The following ISCA1 variants were observed in gnomAD, a reference collection of about 807,000 sequenced individuals.
ISCA1 encodes the protein iron-sulfur cluster assembly 1 homolog, mitochondrial.
A neutral mutation model predicts 14.7 loss-of-function variants in ISCA1; 9 were observed. That is an observed-to-expected ratio of 0.61 (90% CI 0.37 to 1.07). The LOEUF is 1.07. ISCA1 is among the 50% of genes least tolerant of loss of function. ISCA1 has a pLI of 0.01. For missense variants in ISCA1, 102 were observed against 150.1 expected (o/e 0.68, Z 1.67); for synonymous variants, 38 against 54.3 (o/e 0.70, Z 1.32).
chr9:86,279,130 T>C (rs1180379803), intron 1 of ISCA1, among the ~76,000 whole-genome samples: 78 of 152,344 alleles, frequency 5.1e-4, no homozygotes, highest in Non-Finnish European at 1.5e-5. Flanking sequence ...ACACAGTTCC[T>C]TACTGAGCAT....
intron 1 of ISCA1, among the ~76,000 whole-genome samples, chr9:86,276,142 A>G (rs185636961): frequency 1.3e-5 from 2 of 152,138 alleles, no homozygotes; most frequent in East Asian, 3.9e-4. Context: ...CTGCAACTAG[A>G]TGGCCCCATC....
At chr9:86,267,184 C>CGCT (rs1382569891) in intron 3 of ISCA1, 19 of 291,550 alleles carry the variant, frequency 6.5e-5, no homozygotes, top group Admixed American at 5.8e-4. Context: ...ATGATTGTGC[C>CGCT]ACTGCACTCC....
At position 86,266,098 on chromosome 9, in the gene ISCA1, AACACAAAC is replaced by A; in HGVS notation, c.327_334del (p.Glu109AspfsTer3). On this transcript the variant is annotated frameshift_variant, in exon 4 of 4. Coordinates refer to ENST00000375991, the MANE Select transcript of ISCA1 (RefSeq NM_030940.4). LOFTEE classifies it high-confidence loss of function. ...AGTCCCTTTGATGTTTGGGTTATTG[AACACAAAC>A]TCACTGGATAATTTGTCTTCAACAT... The A allele has an allele frequency of 6.2e-7, 1 of 1,612,904 alleles. No individual in the cohort carries two copies. The highest frequency in any genetic ancestry group is 8.5e-7 in the Non-Finnish European group (1 of 1,179,734).
chr9:86,275,388 G>A (rs1008657778), intron 1 of ISCA1, among the ~76,000 whole-genome samples: 1 of 152,122 alleles, frequency 6.6e-6, no homozygotes, highest in Non-Finnish European at 1.5e-5. Flanking sequence ...TACGACCTAA[G>A]ACTTGGTAGT....
At chr9:86,279,697 T>G (rs995939316) in intron 1 of ISCA1, among the ~76,000 whole-genome samples, 7 of 152,214 alleles carry the variant, frequency 4.6e-5, no homozygotes, top group Non-Finnish European at 1.0e-4. Context: ...CAAGTAACAT[T>G]TACCTCTTCC....
At chr9:86,276,725 G>A (rs1825442002) in intron 1 of ISCA1, among the ~76,000 whole-genome samples, 1 of 151,890 alleles carries the variant, frequency 6.6e-6, no homozygotes, top group Non-Finnish European at 1.5e-5. Flanking sequence ...ACAAACATTA[G>A]CTGAGGATGA....
intron 1 of ISCA1, among the ~76,000 whole-genome samples, chr9:86,279,899 C>T (rs1464603586): frequency 1.3e-5 from 2 of 152,196 alleles, no homozygotes; most frequent in Non-Finnish European, 1.5e-5. Flanking sequence ...GCAAGCCCAC[C>T]AACACAGGCT....
At chr9:86,272,242 C>A in intron 2 of ISCA1, 130 bp from the exon 3 acceptor site, 1 of 668,768 alleles carries the variant, frequency 1.5e-6, no homozygotes. Flanking sequence ...CAGGGTCTCA[C>A]TATGTAGCCC....
chr9:86,278,127 CT>C (rs1052393093), intron 1 of ISCA1, among the ~76,000 whole-genome samples: 2 of 152,178 alleles, frequency 1.3e-5, no homozygotes, highest in African/African-American at 4.8e-5. Flanking sequence ...GTGCCAACAA[CT>C]ACAACTTAAT....
chr9:86,273,445 A>G (rs1371067887), intron 2 of ISCA1, among the ~76,000 whole-genome samples: 1 of 152,196 alleles, frequency 6.6e-6, no homozygotes, highest in Non-Finnish European at 1.5e-5. Flanking sequence ...GGCAGCACTG[A>G]ATGAAAACGA....
At chr9:86,274,040 T>G in intron 2 of ISCA1, 149 bp downstream of exon 2, 1 of 568,166 alleles carries the variant, frequency 1.8e-6, no homozygotes, top group East Asian at 2.9e-5. Context: ...AATACCCTTT[T>G]GTATTATTTG....
At chr9:86,281,435 C>T (rs1181117230) in intron 1 of ISCA1, among the ~76,000 whole-genome samples, 1 of 152,060 alleles carries the variant, frequency 6.6e-6, no homozygotes, top group East Asian at 1.9e-4. Flanking sequence ...CGAATGGTTG[C>T]ATAAAGTCGT....
chr9:86,267,404 T>C, intron 3 of ISCA1: 4 of 915,808 alleles, frequency 4.4e-6, no homozygotes, highest in Non-Finnish European at 5.2e-6. Context: ...TTATTGATAG[T>C]TATAACTTTA....
intron 1 of ISCA1, among the ~76,000 whole-genome samples, chr9:86,276,998 C>G (rs901378432): frequency 1.3e-5 from 2 of 151,038 alleles, no homozygotes; most frequent in African/African-American, 2.4e-5. Flanking sequence ...ACTGCATGAT[C>G]TAAACAAAAC....
chr9:86,265,980 G>A lies in ISCA1; in HGVS notation c.*63C>T. 6.2e-7 allele frequency: 1 copy of A among 1,606,696 alleles called. No homozygotes were observed. Among genetic ancestry groups the A allele is most frequent in the East Asian group, 2.2e-5 (1 of 44,850 alleles). ...AGCACGTGACAGTCACATGATTTCT[G>A]CAGTGAGCCCCAAAGCTTCCACGAG... On this transcript the variant is annotated 3_prime_UTR_variant, in exon 4 of 4. Coordinates refer to ENST00000375991, the MANE Select transcript of ISCA1 (RefSeq NM_030940.4).
intron 1 of ISCA1, among the ~76,000 whole-genome samples, chr9:86,280,030 A>G (rs947673092): frequency 2.6e-5 from 4 of 152,200 alleles, no homozygotes; most frequent in Admixed American, 6.5e-5. Context: ...GTTAATCAAA[A>G]CAGCTGAGTC....
intron 3 of ISCA1, chr9:86,267,670 T>C (rs1262496416): frequency 2.5e-6 from 2 of 794,592 alleles, no homozygotes; most frequent in African/African-American, 3.8e-5. Flanking sequence ...ACAGCTCCAC[T>C]AAAAATACAA....
chr9:86,275,718 G>A (rs1353623750), intron 1 of ISCA1, among the ~76,000 whole-genome samples: 1 of 152,192 alleles, frequency 6.6e-6, no homozygotes, highest in East Asian at 1.9e-4. Flanking sequence ...CTACCAGTAG[G>A]TGGGCCTCTA....
At chr9:86,273,059 T>C (rs1331277169) in intron 2 of ISCA1, among the ~76,000 whole-genome samples, 1 of 152,218 alleles carries the variant, frequency 6.6e-6, no homozygotes, top group Non-Finnish European at 1.5e-5. Flanking sequence ...GCCGAATTCT[T>C]GTTTCATTAG....
Sources: gnomAD v4.1 joint callset for allele counts (sites outside exome capture counted in the v4.1 genomes callset) on GRCh38, gnomAD v4.1.1 for gene constraint, MANE v1.5 for transcripts, NCBI Gene and HGNC (gene_info 2026-07-23, HGNC 2026-07-21) for gene names.